Variants in SLC13A3 observed in about 807,000 individuals in gnomAD.
SLC13A3 encodes the protein solute carrier family 13 member 3.
A neutral mutation model predicts 59.0 loss-of-function variants in SLC13A3; 40 were observed. The observed-to-expected ratio is 0.68, with a 90% confidence interval of 0.53 to 0.88. The LOEUF (loss-of-function observed/expected upper bound fraction) is 0.88, where lower values mean the gene tolerates loss of function less well. Ranked by LOEUF, SLC13A3 falls within the 40% of genes least tolerant of loss-of-function variation. The pLI is 0.00. For synonymous variants in SLC13A3, 317 were observed against 330.3 expected, an observed-to-expected ratio of 0.96 and a Z score of 0.44; for missense variants, 699 against 783.2, an observed-to-expected ratio of 0.89 and a Z score of 1.28.
chr20:46,567,203 A>G (rs1015675836), intron 10 of SLC13A3, among the ~76,000 whole-genome samples: 4 of 152,122 alleles, frequency 2.6e-5, no homozygotes, highest in African/African-American at 7.2e-5. Flanking sequence ...CTACATATAT[A>G]TATGTATTTG....
At chr20:46,632,808 T>C (rs1187968343) in intron 1 of SLC13A3, among the ~76,000 whole-genome samples, 1 of 152,014 alleles carries the variant, frequency 6.6e-6, no homozygotes, top group Non-Finnish European at 1.5e-5. Flanking sequence ...TCTCTCTCTC[T>C]CTTTCTTCCT....
At chr20:46,595,567 G>T (rs780662555) in intron 5 of SLC13A3, among the ~76,000 whole-genome samples, 6 of 152,158 alleles carry the variant, frequency 3.9e-5, no homozygotes, top group Non-Finnish European at 5.9e-5. Flanking sequence ...CTCCTCTGCT[G>T]TGACCTTTCC....
intron 3 of SLC13A3, among the ~76,000 whole-genome samples, chr20:46,609,455 CCT>C (rs2062470381): frequency 6.6e-6 from 1 of 152,162 alleles, no homozygotes; most frequent in Non-Finnish European, 1.5e-5. Flanking sequence ...CTTCACAAAG[CCT>C]CTCTTTCCTA....
At chr20:46,586,480 G>A (rs1368655436) in intron 8 of SLC13A3, among the ~76,000 whole-genome samples, 5 of 151,996 alleles carry the variant, frequency 3.3e-5, no homozygotes, top group Admixed American at 2.6e-4. Context: ...TGATTCCTAC[G>A]GATTTAACTC....
At chr20:46,585,761 T>A in intron 8 of SLC13A3, 1 of 1,288,520 alleles carries the variant, frequency 7.8e-7, no homozygotes, top group Non-Finnish European at 1.0e-6. Context: ...AAATAAAGCA[T>A]CTACATTTTA....
At chr20:46,636,966 A>C (rs1053288221) in intron 1 of SLC13A3, among the ~76,000 whole-genome samples, 9 of 151,758 alleles carry the variant, frequency 5.9e-5, no homozygotes, top group African/African-American at 2.2e-4. Flanking sequence ...ACGCCTGGCT[A>C]ATTTTTGTAT....
At chr20:46,594,904 T>C (rs952871907) in intron 5 of SLC13A3, among the ~76,000 whole-genome samples, 3 of 152,184 alleles carry the variant, frequency 2.0e-5, no homozygotes, top group East Asian at 3.9e-4. Context: ...TGTACTAAAA[T>C]CTCTTGTGAA....
intron 10 of SLC13A3, among the ~76,000 whole-genome samples, chr20:46,569,892 G>A (rs436978): frequency 0.23 from 35,132 of 151,984 alleles, 4,295 homozygotes; most frequent in African/African-American, 0.29. Context: ...TCTTATAAGG[G>A]GGTTTGTTAT....
intron 6 of SLC13A3, among the ~76,000 whole-genome samples, chr20:46,589,744 G>T (rs780272976): frequency 6.6e-6 from 1 of 152,140 alleles, no homozygotes; most frequent in East Asian, 1.9e-4. Context: ...ACTGAATAGT[G>T]GGGGAAGGAA....
chr20:46,601,622 A>T (rs955789693), intron 3 of SLC13A3, among the ~76,000 whole-genome samples: 15 of 152,254 alleles, frequency 9.9e-5, no homozygotes, highest in Non-Finnish European at 1.8e-4. Context: ...GATGCATGCC[A>T]TGCAAAAGAA....
intron 6 of SLC13A3, among the ~76,000 whole-genome samples, chr20:46,591,933 C>T (rs910852666): frequency 5.3e-5 from 8 of 152,044 alleles, no homozygotes; most frequent in Non-Finnish European, 7.4e-5. Context: ...ATGGCTAGCA[C>T]GGTGGCTCAC....
intron 9 of SLC13A3, among the ~76,000 whole-genome samples, chr20:46,579,169 C>T (rs1048254845): frequency 7.9e-5 from 12 of 152,214 alleles, no homozygotes; most frequent in East Asian, 1.9e-4. Flanking sequence ...CAGGGTCTCA[C>T]TCTGTTGCCC....
chr20:46,567,435 T>C (rs1313709404), intron 10 of SLC13A3, among the ~76,000 whole-genome samples: 1 of 152,120 alleles, frequency 6.6e-6, no homozygotes, highest in African/African-American at 2.4e-5. Flanking sequence ...AAAAAGTTTT[T>C]GTGACTTGCC....
At chr20:46,649,374 TTTC>T (rs1257912697) in intron 1 of SLC13A3, among the ~76,000 whole-genome samples, 4 of 152,164 alleles carry the variant, frequency 2.6e-5, no homozygotes, top group Non-Finnish European at 5.9e-5. Flanking sequence ...CTGTATTCAT[TTTC>T]TTCAAGAGTC....
intron 10 of SLC13A3, among the ~76,000 whole-genome samples, chr20:46,567,928 G>A (rs1304381416): frequency 2.0e-5 from 3 of 152,158 alleles, no homozygotes; most frequent in Non-Finnish European, 4.4e-5. Flanking sequence ...AGGTTTTGGA[G>A]CTGATCTAGG....
At chr20:46,591,014 CA>C (rs1351132898) in intron 6 of SLC13A3, among the ~76,000 whole-genome samples, 1 of 148,354 alleles carries the variant, frequency 6.7e-6, no homozygotes, top group African/African-American at 2.5e-5. Flanking sequence ...AAAAAAGGCA[CA>C]AAAAATTAGC....
intron 1 of SLC13A3, among the ~76,000 whole-genome samples, chr20:46,661,835 C>A (rs939515851): frequency 2.0e-5 from 3 of 152,156 alleles, no homozygotes; most frequent in Non-Finnish European, 1.5e-5. Context: ...GTTCTCCTGA[C>A]CTGTTCCCCT....
chr20:46,657,089 C>G (rs2062999130), intron 1 of SLC13A3, among the ~76,000 whole-genome samples: 1 of 152,074 alleles, frequency 6.6e-6, no homozygotes, highest in Non-Finnish European at 1.5e-5. Context: ...GCCTGGTCAA[C>G]ATGGCAAAAC....
intron 1 of SLC13A3, among the ~76,000 whole-genome samples, chr20:46,669,640 C>T (rs546424724): frequency 1.3e-5 from 2 of 152,284 alleles, no homozygotes; most frequent in East Asian, 3.9e-4. Flanking sequence ...GGTCTGACCA[C>T]TGGCACCCAA....
Sources: gnomAD v4.1 joint callset for allele counts (sites outside exome capture counted in the v4.1 genomes callset) on GRCh38, gnomAD v4.1.1 for gene constraint, MANE v1.5 for transcripts, NCBI Gene and HGNC (gene_info 2026-07-23, HGNC 2026-07-21) for gene names.